The following CCDC73 variants were observed in gnomAD, a reference collection of about 807,000 sequenced individuals.
The protein encoded by CCDC73 is coiled-coil domain-containing protein 73.
In CCDC73, 95 loss-of-function variants were observed where a neutral mutation model predicts 116.5. The ratio of observed to expected loss-of-function variants is 0.82; its 90% CI spans 0.69 to 0.97. CCDC73 has a LOEUF of 0.97. Among genes scored for constraint, CCDC73 ranks in the 50% least tolerant of loss-of-function variants. CCDC73 has a pLI of 0.00. For missense variants in CCDC73, 1,066 were observed against 1,206.8 expected (o/e 0.88, Z 1.73); for synonymous variants, 398 against 401.3 (o/e 0.99, Z 0.10).
chr11:32,796,030 C>G (rs1276658146), upstream of CCDC73, among the ~76,000 whole-genome samples: 11 of 152,304 alleles, frequency 7.2e-5, no homozygotes, highest in Admixed American at 3.9e-4. Flanking sequence ...CAGTAAAAAT[C>G]TGTCTGGAAT....
chr11:32,672,506 A>G (rs1295224910), intron 9 of CCDC73, among the ~76,000 whole-genome samples: 3 of 152,208 alleles, frequency 2.0e-5, no homozygotes, highest in Non-Finnish European at 4.4e-5. Flanking sequence ...TATGAATGTT[A>G]TTTAATTACT....
chr11:32,814,847 A>G, the CCDC73 span, among the ~76,000 whole-genome samples: 1 of 152,246 alleles, frequency 6.6e-6, no homozygotes, highest in Non-Finnish European at 1.5e-5. Flanking sequence ...ATTTAGCCAT[A>G]TAAAGGAATG....
chr11:32,822,549 T>C, the CCDC73 span, among the ~76,000 whole-genome samples: 3 of 152,194 alleles, frequency 2.0e-5, no homozygotes, highest in Non-Finnish European at 2.9e-5. Flanking sequence ...ATTCAGTAAG[T>C]ATTAATTTAG....
chr11:32,772,049 G>T (rs1215609688), intron 1 of CCDC73, among the ~76,000 whole-genome samples: 14 of 152,220 alleles, frequency 9.2e-5, no homozygotes, highest in African/African-American at 1.9e-4. Context: ...CTCAGGTGCA[G>T]TTGCAACAGA....
At chr11:32,671,577 C>CA (rs1296498792) in intron 9 of CCDC73, among the ~76,000 whole-genome samples, 3 of 151,782 alleles carry the variant, frequency 2.0e-5, no homozygotes, top group Non-Finnish European at 2.9e-5. Flanking sequence ...TGAAAGTTAA[C>CA]AAAAAAACAA....
intron 6 of CCDC73, among the ~76,000 whole-genome samples, chr11:32,693,267 G>T (rs1464583249): frequency 6.6e-6 from 1 of 152,230 alleles, no homozygotes; most frequent in Non-Finnish European, 1.5e-5. Context: ...TTGCTACACG[G>T]TGGTTAACAG....
chr11:32,784,623 T>C (rs1323377503), intron 1 of CCDC73, among the ~76,000 whole-genome samples: 1 of 152,168 alleles, frequency 6.6e-6, no homozygotes. Context: ...TTTAAAGATA[T>C]GGAAGTAAAT....
chr11:32,693,968 G>A (rs1294637569), intron 6 of CCDC73, among the ~76,000 whole-genome samples: 1 of 152,198 alleles, frequency 6.6e-6, no homozygotes, highest in Non-Finnish European at 1.5e-5. Flanking sequence ...ATACTGAATG[G>A]GCAAAAACTG....
chr11:32,803,555 T>C, the CCDC73 span, among the ~76,000 whole-genome samples: 1 of 152,234 alleles, frequency 6.6e-6, no homozygotes, highest in South Asian at 2.1e-4. Context: ...TGAATTTTTA[T>C]ACCTTTAGCT....
At chr11:32,638,325 T>C (rs2133246214) in intron 13 of CCDC73, among the ~76,000 whole-genome samples, 1 of 152,334 alleles carries the variant, frequency 6.6e-6, no homozygotes, top group East Asian at 1.9e-4. Context: ...TTCCCATTAC[T>C]TAAATTCTAA....
At chr11:32,622,172 A>G (rs1489345309) in intron 14 of CCDC73, among the ~76,000 whole-genome samples, 2 of 152,222 alleles carry the variant, frequency 1.3e-5, no homozygotes, top group East Asian at 3.8e-4. Context: ...TATATACACA[A>G]AGGAATATGT....
upstream of CCDC73, among the ~76,000 whole-genome samples, chr11:32,797,310 TCAAAAAA>T (rs1487949432): frequency 6.6e-6 from 1 of 152,140 alleles, no homozygotes; most frequent in Non-Finnish European, 1.5e-5. Flanking sequence ...AGACCTTGTC[TCAAAAAA>T]CAAAAAACAA....
chr11:32,818,240 TAAG>T, the CCDC73 span, among the ~76,000 whole-genome samples: 1 of 152,240 alleles, frequency 6.6e-6, no homozygotes, highest in Non-Finnish European at 1.5e-5. Flanking sequence ...TTTCGGGCCG[TAAG>T]TGTATTAAGG....
intron 1 of CCDC73, among the ~76,000 whole-genome samples, chr11:32,762,493 T>C (rs889824699): frequency 6.6e-5 from 10 of 152,020 alleles, no homozygotes; most frequent in African/African-American, 2.4e-4. Flanking sequence ...ACTCACTACA[T>C]TAAGTAGAAT....
At chr11:32,780,999 G>A (rs1850578304) in intron 1 of CCDC73, among the ~76,000 whole-genome samples, 1 of 152,106 alleles carries the variant, frequency 6.6e-6, no homozygotes, top group African/African-American at 2.4e-5. Flanking sequence ...CCCAGGTGTG[G>A]TGGTGCATGC....
chr11:32,633,588 G>A (rs934236327), intron 14 of CCDC73, among the ~76,000 whole-genome samples: 3 of 152,124 alleles, frequency 2.0e-5, no homozygotes, highest in African/African-American at 7.2e-5. Context: ...GTTGCAGTCT[G>A]GAGTAAACCA....
intron 13 of CCDC73, among the ~76,000 whole-genome samples, chr11:32,636,399 G>A (rs1047096900): frequency 1.3e-5 from 2 of 151,924 alleles, no homozygotes; most frequent in African/African-American, 2.4e-5. Context: ...CATGTCAGCC[G>A]TATATTTATA....
At chr11:32,764,515 G>C (rs1356392758) in intron 1 of CCDC73, among the ~76,000 whole-genome samples, 1 of 152,118 alleles carries the variant, frequency 6.6e-6, no homozygotes, top group Non-Finnish European at 1.5e-5. Flanking sequence ...GCCAAACTAT[G>C]CTTCATAAAT....
At chr11:32,728,508 G>C (rs1850048374) in intron 2 of CCDC73, among the ~76,000 whole-genome samples, 1 of 152,026 alleles carries the variant, frequency 6.6e-6, no homozygotes, top group Admixed American at 6.5e-5. Flanking sequence ...TTTACTAAGA[G>C]TCCTGGTTCC....
Sources: gnomAD v4.1 joint callset for allele counts (sites outside exome capture counted in the v4.1 genomes callset) on GRCh38, gnomAD v4.1.1 for gene constraint, MANE v1.5 for transcripts, NCBI Gene and HGNC (gene_info 2026-07-23, HGNC 2026-07-21) for gene names.